Variants in C5orf34 observed in about 807,000 individuals in gnomAD.
C5orf34 encodes the protein uncharacterized protein C5orf34.
A neutral mutation model predicts 78.4 loss-of-function variants in C5orf34; 73 were observed. The ratio of observed to expected loss-of-function variants is 0.93; its 90% CI spans 0.77 to 1.13. The LOEUF is 1.13. Among genes scored for constraint, C5orf34 ranks in the 50% most tolerant of loss-of-function variants. The pLI is 0.00. For synonymous variants in C5orf34, 251 were observed against 246.6 expected, an observed-to-expected ratio of 1.02 and a Z score of -0.17; for missense variants, 730 against 732.7, an observed-to-expected ratio of 1.00 and a Z score of 0.04.
rs1423684378 is a variant in C5orf34 at position 43,492,136 on chromosome 5, C to A, written c.1580+79G>T. 37 of 944,868 alleles carry A rather than the reference C, an allele frequency of 3.9e-5. No individual in the cohort carries two copies. In the South Asian group the frequency reaches 4.7e-4, roughly 12 times the overall value. 58.5% of individuals were successfully genotyped at this position (944,868 alleles called of 1,614,324 possible). On this transcript the variant is annotated intron_variant, in intron 10 of 12. Coordinates refer to ENST00000306862, the MANE Select transcript of C5orf34 (RefSeq NM_198566.4). ...GGAAAAACTAAAAATATATATAACA[C>A]TTAAATAATGCTTATTGCTTATTCT... is the stretch of plus-strand genomic sequence containing the variant.
intron 6 of C5orf34, among the ~76,000 whole-genome samples, chr5:43,494,868 T>G (rs1302990435): frequency 6.6e-6 from 1 of 152,196 alleles, no homozygotes; most frequent in East Asian, 1.9e-4. Flanking sequence ...TTTTAAAAAC[T>G]AATAACTTAA....
chr5:43,496,452 C>G, intron 6 of C5orf34: 2 of 1,574,098 alleles, frequency 1.3e-6, no homozygotes, highest in Non-Finnish European at 1.7e-6. Context: ...TTTCCTTTCC[C>G]ATTTTGGCTT....
chr5:43,493,573 G>A lies in C5orf34; in HGVS notation c.1284C>T (p.Ser428=). The A allele has an allele frequency of 6.3e-7, 1 of 1,577,552 alleles. No homozygotes were observed. The highest frequency in any genetic ancestry group is 8.6e-7 in the Non-Finnish European group (1 of 1,158,476). Residue 428 remains serine, a synonymous_variant, in exon 8 of 13, where the codon AGC becomes AGT. Transcript: ENST00000306862. ...TCCAGCAGCATATACGATAGTTATGGCTTAAAGAAAGTCTCATCTTCACAC... is the reference window on the plus strand; with the variant it reads ...TCCAGCAGCATATACGATAGTTATGACTTAAAGAAAGTCTCATCTTCACAC... ...QHCVKMRLSL[S]HNYRICCWKM...
intron 6 of C5orf34, chr5:43,495,441 A>C: frequency 6.2e-7 from 1 of 1,611,366 alleles, no homozygotes; most frequent in Non-Finnish European, 8.5e-7. Context: ...TGAGCAATGA[A>C]GTCAGCTGTT....
intron 6 of C5orf34, chr5:43,495,611 A>C: frequency 2.5e-6 from 4 of 1,610,200 alleles, no homozygotes; most frequent in South Asian, 2.2e-5. Flanking sequence ...TGTAATGTTG[A>C]CTGGAGCAAA....
chr5:43,513,025 A>G (rs6869817), intron 1 of C5orf34, among the ~76,000 whole-genome samples: 151,382 of 152,114 alleles, frequency 1, 75,334 homozygotes, highest in Middle Eastern at 1. Context: ...CTCGTGATCC[A>G]CCCGTTTTGG....
chr5:43,489,985 G>A (rs1429475688), intron 11 of C5orf34, among the ~76,000 whole-genome samples: 2 of 151,890 alleles, frequency 1.3e-5, no homozygotes, highest in Admixed American at 1.3e-4. Context: ...TCCATTCCTA[G>A]CCCTCAAAAC....
chr5:43,498,366 A>G (rs931125612), intron 6 of C5orf34, among the ~76,000 whole-genome samples: 2 of 152,122 alleles, frequency 1.3e-5, no homozygotes, highest in Non-Finnish European at 2.9e-5. Context: ...TGAAATCTGG[A>G]TCCATCTTAC....
intron 9 of C5orf34, 33 bp downstream of exon 9, chr5:43,492,687 T>TA (rs577361642): frequency 1.5e-5 from 23 of 1,555,176 alleles, no homozygotes; most frequent in South Asian, 1.4e-4. Flanking sequence ...AGATTACCAA[T>TA]AAAAAATAGA....
At chr5:43,492,631 G>A in intron 9 of C5orf34, 89 bp downstream of exon 9, 1 of 1,118,512 alleles carries the variant, frequency 8.9e-7, no homozygotes, top group Admixed American at 2.4e-5. Flanking sequence ...TTCAAAAAAT[G>A]AACTGAAATA....
intron 1 of C5orf34, among the ~76,000 whole-genome samples, chr5:43,511,858 C>T (rs1746274609): frequency 6.6e-6 from 1 of 152,024 alleles, no homozygotes; most frequent in Non-Finnish European, 1.5e-5. Flanking sequence ...ATCACCACTC[C>T]CTAATCTCAA....
At chr5:43,488,868 A>G (rs1197525387) in intron 11 of C5orf34, among the ~76,000 whole-genome samples, 1 of 152,126 alleles carries the variant, frequency 6.6e-6, no homozygotes, top group Non-Finnish European at 1.5e-5. Flanking sequence ...AAAATATTCA[A>G]GTCACCAGAA....
At chr5:43,504,474 G>A (rs542099689) in intron 4 of C5orf34, among the ~76,000 whole-genome samples, 41 of 152,132 alleles carry the variant, frequency 2.7e-4, no homozygotes, top group Admixed American at 1.1e-3. Context: ...AATTGTATAG[G>A]ACTTAACTTG....
At chr5:43,508,448 A>G in intron 3 of C5orf34, 129 bp downstream of exon 3, 1 of 600,862 alleles carries the variant, frequency 1.7e-6, no homozygotes, top group South Asian at 2.3e-5. Context: ...TACACTATGT[A>G]ACTTTGATGT....
Position 43,494,521 on chromosome 5 carries a change from TTTAA to T in C5orf34, c.1229_1232del (p.Ile410AsnfsTer11), listed in dbSNP as rs754340959. Reference sequence around the variant, plus strand: ...TGGGAAGAACTTACCTTGTTGCCTGTTTAATTAGAGAACCGACAGTGAATGGACT... The same window carrying T: ...TGGGAAGAACTTACCTTGTTGCCTGTTTAGAGAACCGACAGTGAATGGACT... On this transcript the variant is annotated frameshift_variant, in exon 7 of 13. Transcript: ENST00000306862. LOFTEE classifies it high-confidence loss of function. 1.9e-6 allele frequency: 3 copies of T among 1,603,526 alleles called. No homozygotes were observed. Among genetic ancestry groups the T allele is most frequent in the Non-Finnish European group, 8.5e-7 (1 of 1,172,700 alleles).
intron 2 of C5orf34, 104 bp downstream of exon 2, chr5:43,509,041 G>T: frequency 1.2e-6 from 1 of 835,226 alleles, no homozygotes; most frequent in Admixed American, 2.4e-5. Flanking sequence ...GGTGTTCGAG[G>T]CTGCAGTGAG....
rs1328535757 is a variant in C5orf34, at chr5:43,496,052, T to C, written c.1153-1451A>G. 2.5e-6 allele frequency: 4 copies of C among 1,585,164 alleles called. 1 individual carries two copies. The highest frequency in any genetic ancestry group is 3.3e-5 in the Admixed American group (2 of 59,976). On this transcript the variant is annotated intron_variant, in intron 6 of 12. Transcript: ENST00000306862. ...ACCCAGTGTGTAAGCCAGAAGGGCATGCTCTCAGGTCTGCCCATTCTTGGA... is the reference window on the plus strand; with the variant it reads ...ACCCAGTGTGTAAGCCAGAAGGGCACGCTCTCAGGTCTGCCCATTCTTGGA...
chr5:43,495,206 G>T (rs1745453806), intron 6 of C5orf34: 22 of 1,611,090 alleles, frequency 1.4e-5, no homozygotes, highest in Non-Finnish European at 1.6e-5. Context: ...ACCCAAAGGT[G>T]GATAGTCTGA....
Position 43,494,557 on chromosome 5 carries a change from T to A in C5orf34, c.1197A>T (p.Arg399Ser). ...TYSVNNLPPD[R>S]PGSPFTVGSL... is the part of the protein sequence containing the mutation. ...AACCGACAGTGAATGGACTTCCCGG[T>A]CTATCTGGAGGAAGGTTATTTACTG... The change falls in exon 7 of 13, where the codon AGA becomes AGT. Residue 399 changes from arginine (R) to serine (S), a missense_variant. Transcript: ENST00000306862. 2 of 1,608,868 alleles carry A rather than the reference T, an allele frequency of 1.2e-6. No homozygotes were observed. Among genetic ancestry groups the A allele is most frequent in the Non-Finnish European group, 1.7e-6 (2 of 1,176,594 alleles).
Sources: gnomAD v4.1 joint callset for allele counts (sites outside exome capture counted in the v4.1 genomes callset) on GRCh38, gnomAD v4.1.1 for gene constraint, MANE v1.5 for transcripts, NCBI Gene and HGNC (gene_info 2026-07-23, HGNC 2026-07-21) for gene names.